DGKB: variants seen among roughly 807,000 people sequenced by gnomAD.
The protein encoded by DGKB is 90 kDa diacylglycerol kinase.
In DGKB, 67 loss-of-function variants were observed where a neutral mutation model predicts 114.3. The ratio of observed to expected loss-of-function variants is 0.59; its 90% CI spans 0.48 to 0.72. DGKB has a LOEUF of 0.72. DGKB is among the 30% of genes least tolerant of loss of function. The probability of loss-of-function intolerance (pLI) is 0.00; values close to 1 mark genes in which losing one functional copy is unlikely to be tolerated. For synonymous variants in DGKB, 398 were observed against 323.1 expected, an observed-to-expected ratio of 1.23 and a Z score of -2.49; for missense variants, 907 against 975.2, an observed-to-expected ratio of 0.93 and a Z score of 0.93.
Position 14,212,871 on chromosome 7 carries a change from G to A in DGKB, c.2123-34720C>T, listed in dbSNP as rs143736546. Among the ~76,000 whole-genome samples, 10 of 151,826 alleles carry A rather than the reference G, an allele frequency of 6.6e-5. No homozygotes were observed. The East Asian group carries it at 9.7e-4, about 15-fold the overall frequency. ...CTCTGTCTTGTTCCTTTTCCAAATC[G>A]ATCAATTAGTAAGTATTGCCAATTA... On this transcript the variant is annotated intron_variant, in intron 23 of 25. Transcript: ENST00000402815.
chr7:14,557,108 A>G (rs1795985788), intron 20 of DGKB, among the ~76,000 whole-genome samples: 1 of 152,148 alleles, frequency 6.6e-6, no homozygotes. Context: ...ACCAAACAGA[A>G]AACCCAGGTG....
intron 20 of DGKB, among the ~76,000 whole-genome samples, chr7:14,540,336 A>G (rs1204445154): frequency 2.0e-5 from 3 of 152,118 alleles, no homozygotes; most frequent in Non-Finnish European, 4.4e-5. Context: ...TATTGTAAAC[A>G]TTGTATTATG....
At position 14,448,409 on chromosome 7, in the gene DGKB, C is replaced by A. The variant is rs1831022181; in HGVS notation, c.1835+29752G>T. On this transcript the variant is annotated intron_variant, in intron 21 of 25. Transcript: ENST00000402815. Reference sequence around the variant, plus strand: ...GAGGAAAACTACAGGTTAAAAGATACAAGCAAGAAAACACAACATGCACTG... The same window carrying A: ...GAGGAAAACTACAGGTTAAAAGATAAAAGCAAGAAAACACAACATGCACTG... 2.0e-5 allele frequency among the ~76,000 whole-genome samples: 3 copies of A among 152,114 alleles called. No individual in the cohort carries two copies. The South Asian group carries it at 6.2e-4, about 32-fold the overall frequency.
At chr7:14,871,277 T>C (rs1852412425) in intron 1 of DGKB, among the ~76,000 whole-genome samples, 1 of 152,142 alleles carries the variant, frequency 6.6e-6, no homozygotes, top group Admixed American at 6.5e-5. Flanking sequence ...ATCCATTCTT[T>C]TAGCAATTTC....
chr7:14,271,699 G>A (rs911459692), intron 23 of DGKB, among the ~76,000 whole-genome samples: 1 of 152,070 alleles, frequency 6.6e-6, no homozygotes, highest in Non-Finnish European at 1.5e-5. Flanking sequence ...CTACAAAAAA[G>A]GTATTCTCAG....
intron 2 of DGKB, among the ~76,000 whole-genome samples, chr7:14,802,625 A>C (rs1842316372): frequency 6.6e-6 from 1 of 152,188 alleles, no homozygotes; most frequent in Non-Finnish European, 1.5e-5. Flanking sequence ...GAAATATTTC[A>C]AATATACAGA....
chr7:14,843,376 G>A (rs546004083), intron 1 of DGKB, among the ~76,000 whole-genome samples: 6 of 114,832 alleles, frequency 5.2e-5, no homozygotes, highest in South Asian at 2.9e-4. Context: ...CGCCCAGGCC[G>A]GACTGCGGAC....
intron 23 of DGKB, among the ~76,000 whole-genome samples, chr7:14,204,207 T>G (rs936208850): frequency 1.3e-5 from 2 of 152,032 alleles, no homozygotes; most frequent in Non-Finnish European, 2.9e-5. Flanking sequence ...AATTACATAC[T>G]GTACTTTAAA....
intron 23 of DGKB, among the ~76,000 whole-genome samples, chr7:14,326,987 G>A (rs771252717): frequency 1.3e-5 from 2 of 152,178 alleles, no homozygotes; most frequent in African/African-American, 2.4e-5. Flanking sequence ...AAATACTCAT[G>A]TGTACTAAAG....
intron 21 of DGKB, among the ~76,000 whole-genome samples, chr7:14,462,712 G>A (rs533334803): frequency 6.6e-6 from 1 of 152,226 alleles, no homozygotes; most frequent in Non-Finnish European, 1.5e-5. Context: ...AGCAACCATT[G>A]ACTTTTCTCA....
intron 23 of DGKB, among the ~76,000 whole-genome samples, chr7:14,299,501 A>G (rs1803138079): frequency 6.6e-6 from 1 of 152,166 alleles, no homozygotes; most frequent in Non-Finnish European, 1.5e-5. Context: ...TTGTTGCAAT[A>G]CAGAAAGCTA....
At chr7:14,598,297 A>G (rs569866922) in intron 17 of DGKB, among the ~76,000 whole-genome samples, 1 of 152,334 alleles carries the variant, frequency 6.6e-6, no homozygotes, top group Admixed American at 6.5e-5. Context: ...TCAAGATATT[A>G]ACAGCTATAA....
chr7:14,278,960 T>C (rs1346414202), intron 23 of DGKB, among the ~76,000 whole-genome samples: 1 of 152,118 alleles, frequency 6.6e-6, no homozygotes, highest in African/African-American at 2.4e-5. Context: ...TGCATTTCCA[T>C]CTGAGATACG....
At chr7:14,930,908 A>T (rs905983503) in intron 1 of DGKB, among the ~76,000 whole-genome samples, 1 of 152,074 alleles carries the variant, frequency 6.6e-6, no homozygotes, top group African/African-American at 2.4e-5. Context: ...GAGTATTTTT[A>T]TCATGAAGGT....
intron 2 of DGKB, among the ~76,000 whole-genome samples, chr7:14,836,018 TACA>T (rs1240462937): frequency 5.3e-5 from 8 of 152,200 alleles, no homozygotes; most frequent in African/African-American, 1.9e-4. Context: ...CATTAAATCC[TACA>T]ACAAGATTTT....
At chr7:14,727,063 AAT>A (rs1830134739) in intron 5 of DGKB, among the ~76,000 whole-genome samples, 1 of 152,236 alleles carries the variant, frequency 6.6e-6, no homozygotes. Flanking sequence ...CTTTTGCTAG[AAT>A]ATTACAAACT....
intron 23 of DGKB, among the ~76,000 whole-genome samples, chr7:14,202,274 G>A (rs148897918): frequency 6.6e-6 from 1 of 151,984 alleles, no homozygotes; most frequent in Non-Finnish European, 1.5e-5. Context: ...ATGGAGGAAA[G>A]AAGTCAGAGA....
intron 23 of DGKB, among the ~76,000 whole-genome samples, chr7:14,335,115 T>C (rs1294369109): frequency 1.3e-5 from 2 of 152,186 alleles, no homozygotes; most frequent in South Asian, 2.1e-4. Context: ...AATGAACTTA[T>C]TGAAGATATT....
intron 23 of DGKB, among the ~76,000 whole-genome samples, chr7:14,300,510 A>G (rs1405900539): frequency 6.6e-6 from 1 of 152,144 alleles, no homozygotes; most frequent in African/African-American, 2.4e-5. Context: ...TGTGAAAATG[A>G]CTGCTTATTT....
Sources: gnomAD v4.1 joint callset for allele counts (sites outside exome capture counted in the v4.1 genomes callset) on GRCh38, gnomAD v4.1.1 for gene constraint, MANE v1.5 for transcripts, NCBI Gene and HGNC (gene_info 2026-07-23, HGNC 2026-07-21) for gene names.